GRHL2: variants seen among roughly 807,000 people sequenced by gnomAD.
GRHL2 encodes the protein grainyhead-like protein 2 homolog.
GRHL2 carries 21 observed loss-of-function variants against 83.8 expected under a neutral mutation model. The observed-to-expected ratio is 0.25, with a 90% CI of 0.18 to 0.36. The LOEUF (loss-of-function observed/expected upper bound fraction) is 0.36, where lower values mean the gene tolerates loss of function less well. GRHL2 is among the 10% of genes least tolerant of loss of function. The probability of loss-of-function intolerance (pLI) is 1.00; values close to 1 mark genes in which losing one functional copy is unlikely to be tolerated. For synonymous variants in GRHL2, 280 were observed against 278.9 expected, an observed-to-expected ratio of 1.00 and a Z score of -0.04; for missense variants, 623 against 781.8, an observed-to-expected ratio of 0.80 and a Z score of 2.42.
intron 8 of GRHL2, among the ~76,000 whole-genome samples, chr8:101,604,476 G>T (rs932144410): frequency 4.6e-5 from 7 of 152,132 alleles, no homozygotes; most frequent in Non-Finnish European, 8.8e-5. Context: ...GTGATTTTAA[G>T]ATTAAACCAA....
At chr8:101,663,377 G>T (rs1291762429) in intron 14 of GRHL2, among the ~76,000 whole-genome samples, 3 of 152,108 alleles carry the variant, frequency 2.0e-5, no homozygotes, top group Non-Finnish European at 4.4e-5. Context: ...ACTTTGGGAG[G>T]CCGAGCTGGG....
At chr8:101,622,043 C>T (rs1812976973) in intron 9 of GRHL2, among the ~76,000 whole-genome samples, 9 of 151,976 alleles carry the variant, frequency 5.9e-5, no homozygotes, top group Admixed American at 5.9e-4. Flanking sequence ...AGCCCACCAC[C>T]CACTTGGGAA....
At chr8:101,596,527 G>A (rs1812394818) in intron 7 of GRHL2, among the ~76,000 whole-genome samples, 1 of 152,076 alleles carries the variant, frequency 6.6e-6, no homozygotes, top group South Asian at 2.1e-4. Context: ...GACATCATCT[G>A]GCCAAGACAA....
At chr8:101,573,627 C>T in intron 5 of GRHL2, 41 bp from the exon 6 acceptor site, 1 of 1,612,926 alleles carries the variant, frequency 6.2e-7, no homozygotes, top group Non-Finnish European at 8.5e-7. Context: ...GCAGAAATGT[C>T]CAAGTGAGTG....
At chr8:101,532,861 G>A (rs1431148311) in intron 1 of GRHL2, among the ~76,000 whole-genome samples, 1 of 152,066 alleles carries the variant, frequency 6.6e-6, no homozygotes, top group African/African-American at 2.4e-5. Flanking sequence ...AAGAGGTGGG[G>A]GAGAGGACAG....
intron 8 of GRHL2, among the ~76,000 whole-genome samples, chr8:101,604,347 C>G (rs1386330984): frequency 6.6e-6 from 1 of 152,150 alleles, no homozygotes. Context: ...GTGATGACAT[C>G]ACCCCCAGAG....
intron 4 of GRHL2, among the ~76,000 whole-genome samples, chr8:101,560,322 C>T (rs1420858695): frequency 1.3e-5 from 2 of 152,144 alleles, no homozygotes; most frequent in African/African-American, 2.4e-5. Context: ...GCCACTACGC[C>T]CAGCCTTGTT....
At chr8:101,618,375 A>G (rs1269839332) in intron 8 of GRHL2, among the ~76,000 whole-genome samples, 1 of 152,130 alleles carries the variant, frequency 6.6e-6, no homozygotes, top group Non-Finnish European at 1.5e-5. Context: ...GATTTCTCTT[A>G]TATCTCTTGA....
At chr8:101,615,270 A>G (rs914706531) in intron 8 of GRHL2, among the ~76,000 whole-genome samples, 2 of 152,204 alleles carry the variant, frequency 1.3e-5, no homozygotes, top group African/African-American at 4.8e-5. Flanking sequence ...TCCCACTTAA[A>G]TGGCCCTTGT....
intron 1 of GRHL2, among the ~76,000 whole-genome samples, chr8:101,500,704 T>A (rs1201361723): frequency 2.6e-5 from 4 of 151,998 alleles, no homozygotes; most frequent in Non-Finnish European, 4.4e-5. Context: ...AGAGACGGAG[T>A]TTCGCCATTT....
At chr8:101,650,948 C>G (rs1183094434) in intron 14 of GRHL2, among the ~76,000 whole-genome samples, 2 of 152,054 alleles carry the variant, frequency 1.3e-5, no homozygotes, top group East Asian at 3.8e-4. Context: ...GGACCTCCGT[C>G]TAAGAAACAC....
At chr8:101,545,448 A>G (rs1265312552) in intron 2 of GRHL2, among the ~76,000 whole-genome samples, 2 of 10,988 alleles carry the variant, frequency 1.8e-4, no homozygotes, top group East Asian at 2.3e-3. Context: ...TTCCTGAAAA[A>G]AAAAAAAAAA....
In GRHL2 at chr8:101,635,674, G is replaced by T. The variant is rs187205091; in HGVS notation, c.1486-1223G>T. Among the ~76,000 whole-genome samples the T allele has an allele frequency of 3.1e-3, 479 of 152,260 alleles. 2 individuals carry two copies. The highest frequency in any genetic ancestry group is 0.011 in the African/African-American group (439 of 41,558). The stretch of plus-strand genomic sequence containing the variant: ...TTCCTAGTACATCCCAATGACAGTT[G>T]CTCTGAATGCCACACTGAGACTTGT... On this transcript the variant is annotated intron_variant, in intron 11 of 15. Coordinates refer to ENST00000646743, the MANE Select transcript of GRHL2 (RefSeq NM_024915.4).
chr8:101,625,395 T>C (rs1189111902), intron 9 of GRHL2, among the ~76,000 whole-genome samples: 1 of 152,100 alleles, frequency 6.6e-6, no homozygotes, highest in Non-Finnish European at 1.5e-5. Context: ...CAGAGGATGT[T>C]ATATTGTTGT....
chr8:101,555,660 A>G (rs1811475998), intron 3 of GRHL2, among the ~76,000 whole-genome samples: 1 of 152,198 alleles, frequency 6.6e-6, no homozygotes, highest in Non-Finnish European at 1.5e-5. Flanking sequence ...CACTCTATTG[A>G]TTTGATCACG....
chr8:101,643,211 C>T lies in GRHL2; in HGVS notation c.1518-920C>T, dbSNP rs771023523. Among the ~76,000 whole-genome samples the T allele has an allele frequency of 7.2e-5, 11 of 151,938 alleles. No individual in the cohort carries two copies. The East Asian group carries it at 7.7e-4, about 11-fold the overall frequency. ...TCATGGCATCTGGGATTGTGTCTTT[C>T]GGGATTGTGATCAGCACCGGGTCCC... On this transcript the variant is annotated intron_variant, in intron 12 of 15. Coordinates refer to ENST00000646743, the MANE Select transcript of GRHL2 (RefSeq NM_024915.4).
chr8:101,514,218 A>T (rs191752261), intron 1 of GRHL2, among the ~76,000 whole-genome samples: 147 of 152,358 alleles, frequency 9.6e-4, no homozygotes, highest in Non-Finnish European at 1.6e-3. Flanking sequence ...ACTTGGCTAG[A>T]AAAACTGGAG....
At chr8:101,662,422 G>A (rs1440515790) in intron 14 of GRHL2, among the ~76,000 whole-genome samples, 1 of 152,222 alleles carries the variant, frequency 6.6e-6, no homozygotes, top group African/African-American at 2.4e-5. Context: ...CCCGTGGGGT[G>A]AGATAGATGG....
intron 4 of GRHL2, among the ~76,000 whole-genome samples, chr8:101,561,576 G>C (rs1352068704): frequency 6.6e-6 from 1 of 152,204 alleles, no homozygotes; most frequent in Non-Finnish European, 1.5e-5. Flanking sequence ...ATTTGACACT[G>C]TCATACAAAT....
Sources: gnomAD v4.1 joint callset for allele counts (sites outside exome capture counted in the v4.1 genomes callset) on GRCh38, gnomAD v4.1.1 for gene constraint, MANE v1.5 for transcripts, NCBI Gene and HGNC (gene_info 2026-07-23, HGNC 2026-07-21) for gene names.